A2M: variants seen among roughly 807,000 people sequenced by gnomAD.
The protein encoded by A2M is C3 and PZP-like alpha-2-macroglobulin domain-containing protein 5.
A2M carries 128 observed loss-of-function variants against 183.9 expected under a neutral mutation model. The observed-to-expected ratio is 0.70, with a 90% CI of 0.60 to 0.81. The LOEUF is 0.81. Among genes scored for constraint, A2M ranks in the 30% least tolerant of loss-of-function variants. The pLI, the probability that A2M is intolerant of heterozygous loss-of-function variation, is 0.00. For missense variants in A2M, 1,495 were observed against 1,787.6 expected (o/e 0.84, Z 2.95); for synonymous variants, 592 against 670.8 (o/e 0.88, Z 1.81).
intron 32 of A2M, among the ~76,000 whole-genome samples, chr12:9,070,259 A>T (rs1208788681): frequency 2.0e-5 from 3 of 152,368 alleles, no homozygotes; most frequent in Non-Finnish European, 4.4e-5. Flanking sequence ...GAAATTGAAA[A>T]GCAGGAACCT....
chr12:9,115,200 G>A (rs1299776384), intron 1 of A2M: 2 of 153,102 alleles, frequency 1.3e-5, no homozygotes, highest in African/African-American at 4.8e-5. Flanking sequence ...TCACTCATCA[G>A]CTGGTATTTC....
chr12:9,113,127 G>A (rs1176977338), intron 2 of A2M, among the ~76,000 whole-genome samples: 1 of 147,002 alleles, frequency 6.8e-6, no homozygotes, highest in African/African-American at 2.5e-5. Flanking sequence ...TTCCTTTCTG[G>A]CTAATAGGGT....
chr12:9,094,607 AAAG>A (rs1949318113), intron 17 of A2M, among the ~76,000 whole-genome samples: 1 of 152,008 alleles, frequency 6.6e-6, no homozygotes. Context: ...TCAGTTCATC[AAAG>A]AAGTAGCTCA....
At chr12:9,071,595 T>C (rs7303415) in intron 31 of A2M, among the ~76,000 whole-genome samples, 3,059 of 152,260 alleles carry the variant, frequency 0.02, 98 homozygotes, top group African/African-American at 0.068. Flanking sequence ...CCTCCTCCCA[T>C]CCTTAACCCT....
chr12:9,089,257 G>A lies in A2M; in HGVS notation c.2719-6C>T. The A allele has an allele frequency of 6.3e-7, 1 of 1,576,434 alleles. No homozygotes were observed. Among genetic ancestry groups the A allele is most frequent in the Non-Finnish European group, 8.6e-7 (1 of 1,158,162 alleles). ...TCCTTCTCTAGTCCTTCAGGCTTTA[G>A]GTAAAAGAAAGAAAAGCTAGTGAGA... On this transcript the variant is annotated splice_region_variant and splice_polypyrimidine_tract_variant and intron_variant, in intron 21 of 35. Coordinates refer to ENST00000318602, the MANE Select transcript of A2M (RefSeq NM_000014.6).
intron 22 of A2M, among the ~76,000 whole-genome samples, chr12:9,085,528 C>G (rs1336181990): frequency 6.6e-6 from 1 of 151,802 alleles, no homozygotes; most frequent in Non-Finnish European, 1.5e-5. Context: ...AAGAGGAAAG[C>G]TTATAACAAT....
chr12:9,100,325 C>A (rs753924706), intron 13 of A2M, among the ~76,000 whole-genome samples: 1 of 152,198 alleles, frequency 6.6e-6, no homozygotes, highest in Non-Finnish European at 1.5e-5. Flanking sequence ...ACACAATTCT[C>A]ATTTTGAGAA....
intron 1 of A2M, 71 bp downstream of exon 1, chr12:9,115,693 G>T (rs1446077374): frequency 8.7e-7 from 1 of 1,147,386 alleles, no homozygotes; most frequent in African/African-American, 1.5e-5. Flanking sequence ...AAAAAGGAAT[G>T]ATATAAAGAA....
chr12:9,077,620 AT>A (rs1251495746), intron 26 of A2M, 80 bp downstream of exon 26: 3 of 1,564,700 alleles, frequency 1.9e-6, no homozygotes, highest in Non-Finnish European at 2.6e-6. Context: ...TTCCCTTAGA[AT>A]TTTTCACATT....
chr12:9,071,650 G>T (rs1284119781), intron 31 of A2M, among the ~76,000 whole-genome samples: 3 of 152,040 alleles, frequency 2.0e-5, no homozygotes, highest in Non-Finnish European at 4.4e-5. Context: ...GTGTCCATAT[G>T]TTCTCATCAT....
chr12:9,094,621 T>C (rs74716734), intron 17 of A2M, among the ~76,000 whole-genome samples: 33 of 152,170 alleles, frequency 2.2e-4, no homozygotes, highest in Non-Finnish European at 4.4e-4. Flanking sequence ...AAGTAGCTCA[T>C]GTCATTGATG....
At chr12:9,069,003 T>C in intron 33 of A2M, 161 bp from the exon 34 acceptor site, 1 of 522,438 alleles carries the variant, frequency 1.9e-6, no homozygotes, top group Non-Finnish European at 3.3e-6. Flanking sequence ...GAGGGGATGA[T>C]AAATTCTCCA....
At chr12:9,068,272 G>A (rs1948456360) in intron 34 of A2M, 48 bp from the exon 35 acceptor site, 2 of 1,580,210 alleles carry the variant, frequency 1.3e-6, no homozygotes, top group Admixed American at 1.7e-5. Flanking sequence ...TACATGAAGT[G>A]AGAAAGAAAG....
chr12:9,072,528 C>G (rs1380524253), intron 30 of A2M, 42 bp from the exon 31 acceptor site: 1 of 1,602,236 alleles, frequency 6.2e-7, no homozygotes, highest in Non-Finnish European at 8.5e-7. Context: ...TGCCCTTTCC[C>G]AGAATTCCTG....
chr12:9,074,975 T>C (rs1407607833), intron 28 of A2M, among the ~76,000 whole-genome samples, 192 bp from the exon 29 acceptor site: 1 of 152,224 alleles, frequency 6.6e-6, no homozygotes, highest in Non-Finnish European at 1.5e-5. Flanking sequence ...ATATTGATGC[T>C]GGAGTCAGAA....
In A2M at chr12:9,072,240, T is replaced by C. The variant is rs1454663890; in HGVS notation, c.4103+119A>G. 3.4e-6 allele frequency: 4 copies of C among 1,169,412 alleles called. No individual in the cohort carries two copies. In the African/African-American group the frequency reaches 4.7e-5, roughly 14 times the overall value. The allele number at this position is 1,169,412 out of a possible 1,614,324, so 72.4% of individuals were successfully genotyped here. Reference sequence around the variant, plus strand: ...AATTATATCAACTTAAGAGAATACATTGCATTTTTTGTGAATAGTGCAAAT... The same window carrying C: ...AATTATATCAACTTAAGAGAATACACTGCATTTTTTGTGAATAGTGCAAAT... On this transcript the variant is annotated intron_variant, in intron 31 of 35. Coordinates refer to ENST00000318602, the MANE Select transcript of A2M (RefSeq NM_000014.6).
chr12:9,070,466 T>C, intron 32 of A2M, 22 bp downstream of exon 32: 1 of 1,545,336 alleles, frequency 6.5e-7, no homozygotes, highest in Non-Finnish European at 8.9e-7. Flanking sequence ...AATAGGGCAG[T>C]CTGGGGTTAT....
Position 9,076,882 on chromosome 12 carries a change from G to A in A2M, c.3406C>T (p.Gln1136Ter). The A allele has an allele frequency of 6.2e-7, 1 of 1,612,718 alleles. No homozygotes were observed. Among genetic ancestry groups the A allele is most frequent in the Non-Finnish European group, 8.5e-7 (1 of 1,179,398 alleles). The part of the protein sequence containing the change: ...FCLESAWKTA[Q>*]EGDHGSHVYT... ...ACATGGCTGCCATGGTCCCCTTCTTGTGCTGTCTTCCAGGCTGACTCCAGG... is the reference window on the plus strand; with the variant it reads ...ACATGGCTGCCATGGTCCCCTTCTTATGCTGTCTTCCAGGCTGACTCCAGG... The change falls in exon 28 of 36, where the codon CAA (glutamine) becomes TAA (stop). Residue 1136 changes from glutamine (Q) to a stop codon, truncating the protein, a stop_gained. Transcript: ENST00000318602. LOFTEE classifies it high-confidence loss of function.
intron 22 of A2M, among the ~76,000 whole-genome samples, chr12:9,086,781 C>T (rs1210305771): frequency 1.3e-5 from 2 of 152,108 alleles, no homozygotes; most frequent in Non-Finnish European, 2.9e-5. Context: ...CTGGAAGTAG[C>T]AGCAAGAGCA....
Sources: gnomAD v4.1 joint callset for allele counts (sites outside exome capture counted in the v4.1 genomes callset) on GRCh38, gnomAD v4.1.1 for gene constraint, MANE v1.5 for transcripts, NCBI Gene and HGNC (gene_info 2026-07-23, HGNC 2026-07-21) for gene names.